The following HGD variants were observed in gnomAD, a reference collection of about 807,000 sequenced individuals.
HGD encodes the protein homogentisate oxidase.
In HGD, 61 loss-of-function variants were observed where a neutral mutation model predicts 60.8. The observed-to-expected ratio is 1.00, with a 90% CI of 0.82 to 1.24. HGD has a LOEUF of 1.24. Among genes scored for constraint, HGD ranks in the 50% most tolerant of loss-of-function variants. The pLI, the probability that HGD is intolerant of heterozygous loss-of-function variation, is 0.00. For missense variants in HGD, 542 were observed against 547.1 expected (o/e 0.99, Z 0.09); for synonymous variants, 212 against 187.7 (o/e 1.13, Z -1.06).
At chr3:120,651,369 G>T (rs1416356912) in intron 5 of HGD, among the ~76,000 whole-genome samples, 2 of 152,176 alleles carry the variant, frequency 1.3e-5, no homozygotes, top group Non-Finnish European at 2.9e-5. Flanking sequence ...TCTCTCTGCT[G>T]TGTGACCAGA....
intron 11 of HGD, among the ~76,000 whole-genome samples, chr3:120,641,069 A>G (rs558360249): frequency 1.3e-5 from 2 of 152,102 alleles, no homozygotes; most frequent in South Asian, 4.1e-4. Flanking sequence ...ATGCTCTAGA[A>G]TTTCTTTGGT....
In HGD at chr3:120,649,139, C is replaced by CT. The variant is rs10572267; in HGVS notation, c.435-1229dup. ...TCTCCATTGTCTTTTTCTTCTTTTT[C>CT]TTTTTTTTTTTTTTTTTTTTTGAGA... On this transcript the variant is annotated intron_variant, in intron 6 of 13. Coordinates refer to ENST00000283871, the MANE Select transcript of HGD (RefSeq NM_000187.4). Among the ~76,000 whole-genome samples the CT allele has an allele frequency of 4.9e-3, 467 of 94,382 alleles. 7 individuals are homozygous for CT. The highest frequency in any genetic ancestry group is 0.011 in the African/African-American group (304 of 26,834). 61.9% of individuals were successfully genotyped at this position (94,382 alleles called of 152,430 possible). A position where few individuals can be genotyped will look rare whatever the true frequency, so the allele number is the denominator to read the frequency against.
At chr3:120,664,947 G>T (rs887179360) in intron 4 of HGD, among the ~76,000 whole-genome samples, 2 of 152,152 alleles carry the variant, frequency 1.3e-5, no homozygotes, top group South Asian at 2.1e-4. Flanking sequence ...TGTAAAGAGG[G>T]TATAAATATT....
chr3:120,652,485 C>T, intron 5 of HGD, 107 bp downstream of exon 5: 1 of 815,744 alleles, frequency 1.2e-6, no homozygotes, highest in South Asian at 1.4e-5. Context: ...GTCTCTGCTG[C>T]CTCCTGATAG....
chr3:120,630,825 T>TATATATAC (rs1491569082), intron 13 of HGD, among the ~76,000 whole-genome samples: 5,678 of 103,760 alleles, frequency 0.055, 213 homozygotes, highest in South Asian at 0.11. Context: ...TATATATATA[T>TATATATAC]ACACATACAC....
At chr3:120,672,697 T>G (rs924974002) in intron 3 of HGD, among the ~76,000 whole-genome samples, 2 of 152,064 alleles carry the variant, frequency 1.3e-5, no homozygotes, top group Admixed American at 6.6e-5. Flanking sequence ...CCTGGGAGAG[T>G]TACTAGACTT....
chr3:120,651,573 A>G (rs1941342902), intron 5 of HGD, among the ~76,000 whole-genome samples: 1 of 152,248 alleles, frequency 6.6e-6, no homozygotes, highest in African/African-American at 2.4e-5. Context: ...AAGTGAGTCT[A>G]CAAAGAGTTT....
At chr3:120,665,659 G>T (rs182323824) in intron 4 of HGD, among the ~76,000 whole-genome samples, 2 of 152,350 alleles carry the variant, frequency 1.3e-5, no homozygotes, top group Admixed American at 1.3e-4. Context: ...GAAGGCTTTA[G>T]GGGGAGCAGC....
intron 11 of HGD, among the ~76,000 whole-genome samples, chr3:120,640,149 AGAAG>A (rs553132696): frequency 5.4e-5 from 8 of 148,182 alleles, no homozygotes; most frequent in South Asian, 2.2e-4. Flanking sequence ...AAGGAAGGAA[AGAAG>A]GAAGGAAGGA....
chr3:120,682,221 T>C lies in HGD; in HGVS notation c.-110A>G. The stretch of plus-strand genomic sequence containing the variant: ...ACTCTTTGGATATTCCGGTTCCCAC[T>C]GCTTCACTGCGCTTCACTGGTCAGT... On this transcript the variant is annotated 5_prime_UTR_variant, in exon 1 of 14. Transcript: ENST00000283871. 1.9e-6 allele frequency: 2 copies of C among 1,051,804 alleles called. No homozygotes were observed. The highest frequency in any genetic ancestry group is 3.0e-6 in the Non-Finnish European group (2 of 669,790). The allele number at this position is 1,051,804 out of a possible 1,614,324, so 65.2% of individuals were successfully genotyped here.
Position 120,637,099 on chromosome 3 carries a change from AT to A in HGD, c.1006+1355del, listed in dbSNP as rs567514171. 1.0e-3 allele frequency among the ~76,000 whole-genome samples: 158 copies of A among 152,298 alleles called. No homozygotes were observed. In the South Asian group the frequency reaches 0.015, roughly 15 times the overall value. ...ATTAAGTACAGCCGTGAAGTACTTT[AT>A]TTATTCTTGTTGATGCATTCACTTA... is the stretch of plus-strand genomic sequence containing the variant. On this transcript the variant is annotated intron_variant, in intron 12 of 13. Coordinates refer to ENST00000283871, the MANE Select transcript of HGD (RefSeq NM_000187.4).
intron 4 of HGD, among the ~76,000 whole-genome samples, chr3:120,665,060 A>G (rs528812608): frequency 1.1e-4 from 16 of 152,326 alleles, no homozygotes; most frequent in African/African-American, 3.8e-4. Flanking sequence ...GGCTGTGACT[A>G]GGACAGACTT....
chr3:120,680,803 T>C (rs1012959288), intron 1 of HGD, among the ~76,000 whole-genome samples: 1 of 152,236 alleles, frequency 6.6e-6, no homozygotes, highest in Non-Finnish European at 1.5e-5. Flanking sequence ...GCATTCTGTA[T>C]GTGCTGTGCC....
intron 1 of HGD, chr3:120,677,961 A>T (rs1708163657): frequency 6.6e-6 from 1 of 152,218 alleles, no homozygotes; most frequent in African/African-American, 2.4e-5. Flanking sequence ...ACAAGCCTGG[A>T]TGTGTGAGTG....
chr3:120,669,447 G>GCGCGCACACA (rs71133515), intron 4 of HGD, among the ~76,000 whole-genome samples: 11 of 145,728 alleles, frequency 7.5e-5, no homozygotes, highest in African/African-American at 2.3e-4. Context: ...GTGCGCATGT[G>GCGCGCACACA]CACACACACA....
Position 120,644,395 on chromosome 3 carries a change from C to A in HGD, c.698G>T (p.Trp233Leu). ...ACCTGGTACTTGGCGATCCTCATACCAGGCAATGGGTATCAAGAAATCACG... is the reference window on the plus strand; with the variant it reads ...ACCTGGTACTTGGCGATCCTCATACAAGGCAATGGGTATCAAGAAATCACG... ...NPRDFLIPIA[W>L]YEDRQVPGGY... Residue 233 changes from tryptophan (W) to leucine (L), a missense_variant, in exon 10 of 14, where the codon TGG (tryptophan) becomes TTG (leucine). By Grantham distance (61) the Trp-to-Leu change is moderately conservative (BLOSUM62 -2). Around this residue, in one of 2 missense-constraint regions of HGD, gnomAD observed 537 missense variants for 529.1 expected, o/e 1.01. Coordinates refer to ENST00000283871, the MANE Select transcript of HGD (RefSeq NM_000187.4). 6.2e-7 allele frequency: 1 copy of A among 1,614,092 alleles called. No homozygotes were observed. Among genetic ancestry groups the A allele is most frequent in the Non-Finnish European group, 8.5e-7 (1 of 1,179,988 alleles).
intron 13 of HGD, among the ~76,000 whole-genome samples, chr3:120,629,839 T>G (rs1166920034): frequency 6.6e-6 from 1 of 152,212 alleles, no homozygotes; most frequent in Non-Finnish European, 1.5e-5. Context: ...AACCTATCCC[T>G]GTTTGCAGAT....
intron 10 of HGD, among the ~76,000 whole-genome samples, chr3:120,642,557 T>C (rs1941021270): frequency 6.6e-6 from 1 of 152,176 alleles, no homozygotes; most frequent in Admixed American, 6.6e-5. Flanking sequence ...CATATAGTGT[T>C]TACTGATTTC....
intron 1 of HGD, among the ~76,000 whole-genome samples, chr3:120,678,914 G>A (rs1342674186): frequency 6.6e-6 from 1 of 152,172 alleles, no homozygotes; most frequent in Middle Eastern, 3.2e-3. Context: ...GAAAATCCAA[G>A]CATTCATTTC....
Sources: gnomAD v4.1 joint callset for allele counts (sites outside exome capture counted in the v4.1 genomes callset) on GRCh38, gnomAD v4.1.1 for gene constraint, gnomAD v4.1.1 regional missense constraint, MANE v1.5 for transcripts, NCBI Gene and HGNC (gene_info 2026-07-23, HGNC 2026-07-21) for gene names.